The following KCND2 variants were observed in gnomAD, a reference collection of about 807,000 sequenced individuals.
KCND2 encodes the protein potassium voltage-gated channel subfamily D member 2.
KCND2 carries 16 observed loss-of-function variants against 54.4 expected under a neutral mutation model. The observed-to-expected ratio is 0.29, with a 90% CI of 0.20 to 0.45. The LOEUF (loss-of-function observed/expected upper bound fraction) is 0.45. Ranked by LOEUF, KCND2 falls within the 20% of genes least tolerant of loss-of-function variation. The pLI is 1.00. For synonymous variants in KCND2, 317 were observed against 310.7 expected, an observed-to-expected ratio of 1.02 and a Z score of -0.21; for missense variants, 486 against 824.2, an observed-to-expected ratio of 0.59 and a Z score of 5.02.
At chr7:120,702,215 A>G (rs1792411412) in intron 1 of KCND2, among the ~76,000 whole-genome samples, 1 of 152,218 alleles carries the variant, frequency 6.6e-6, no homozygotes, top group Non-Finnish European at 1.5e-5. Flanking sequence ...ATCATTGGAG[A>G]AATGCAAATC....
chr7:120,513,880 A>G (rs1460589264), intron 1 of KCND2, among the ~76,000 whole-genome samples: 1 of 152,106 alleles, frequency 6.6e-6, no homozygotes, highest in Non-Finnish European at 1.5e-5. Context: ...ATAGTTCAGG[A>G]ATTGTTTTGA....
At chr7:120,479,645 A>G (rs1254120194) in intron 1 of KCND2, among the ~76,000 whole-genome samples, 5 of 151,538 alleles carry the variant, frequency 3.3e-5, no homozygotes, top group East Asian at 1.9e-4. Flanking sequence ...GAAACTTGGT[A>G]TGGTTTGGTA....
chr7:120,473,655 C>T (rs1379180767), intron 1 of KCND2, among the ~76,000 whole-genome samples: 2 of 152,100 alleles, frequency 1.3e-5, no homozygotes, highest in African/African-American at 2.4e-5. Flanking sequence ...AGGCCTCCGT[C>T]TGGTGTACTC....
intron 1 of KCND2, among the ~76,000 whole-genome samples, chr7:120,563,456 A>T (rs1326395288): frequency 2.6e-5 from 4 of 152,128 alleles, no homozygotes; most frequent in African/African-American, 4.8e-5. Context: ...TCTAGATTTG[A>T]GTTATCATTT....
In KCND2 at chr7:120,311,726, C is replaced by G. The variant is rs778084320; in HGVS notation, c.1115+35979C>G. 8.3e-4 allele frequency among the ~76,000 whole-genome samples: 127 copies of G among 152,148 alleles called. 1 individual carries two copies. The highest frequency in any genetic ancestry group is 2.1e-4 in the Non-Finnish European group (14 of 68,020). ...TTTTCTGATCTTCCTCCCCCACCCT[C>G]TACCCTCCAAAAGGCCCCAGTGTGT... On this transcript the variant is annotated intron_variant, in intron 1 of 5. Transcript: ENST00000331113.
intron 1 of KCND2, among the ~76,000 whole-genome samples, chr7:120,348,654 G>A (rs1375477674): frequency 6.6e-6 from 1 of 152,126 alleles, no homozygotes; most frequent in Non-Finnish European, 1.5e-5. Flanking sequence ...ACTTCTTTGT[G>A]AGCAAACACA....
chr7:120,365,589 C>G (rs570023757), intron 1 of KCND2, among the ~76,000 whole-genome samples: 1 of 152,018 alleles, frequency 6.6e-6, no homozygotes, highest in Non-Finnish European at 1.5e-5. Context: ...CCTGCGTGCC[C>G]CTGATTAAGG....
chr7:120,657,010 T>G (rs906035312), intron 1 of KCND2, among the ~76,000 whole-genome samples: 1 of 152,122 alleles, frequency 6.6e-6, no homozygotes, highest in African/African-American at 2.4e-5. Context: ...AGAAAACTTT[T>G]TTGGCAAAAA....
chr7:120,384,885 A>G (rs1800965464), intron 1 of KCND2, among the ~76,000 whole-genome samples: 1 of 152,146 alleles, frequency 6.6e-6, no homozygotes, highest in Non-Finnish European at 1.5e-5. Context: ...CTTATGGAAA[A>G]AAGATTGAGT....
At chr7:120,607,932 G>A (rs1458316904) in intron 1 of KCND2, among the ~76,000 whole-genome samples, 3 of 151,950 alleles carry the variant, frequency 2.0e-5, no homozygotes, top group Non-Finnish European at 4.4e-5. Context: ...GTAGCTTAGG[G>A]TATCTAAGAG....
At chr7:120,452,940 C>T (rs1304626081) in intron 1 of KCND2, among the ~76,000 whole-genome samples, 1 of 152,148 alleles carries the variant, frequency 6.6e-6, no homozygotes, top group Non-Finnish European at 1.5e-5. Flanking sequence ...GGGGCCCCAA[C>T]CTGGCCATTC....
At chr7:120,509,856 A>G (rs1803085157) in intron 1 of KCND2, among the ~76,000 whole-genome samples, 1 of 152,066 alleles carries the variant, frequency 6.6e-6, no homozygotes, top group Non-Finnish European at 1.5e-5. Context: ...CCTAGGAATC[A>G]ATGTTTTGAT....
intron 1 of KCND2, among the ~76,000 whole-genome samples, chr7:120,476,270 GGCTGGTTATGAGGCT>G (rs1037887313): frequency 2.6e-5 from 4 of 152,078 alleles, no homozygotes; most frequent in African/African-American, 9.7e-5. Context: ...CTATTTGATG[GGCTGGTTATGAGGCT>G]TAAAACACAT....
chr7:120,655,385 CT>C (rs1393027629), intron 1 of KCND2, among the ~76,000 whole-genome samples: 2 of 152,104 alleles, frequency 1.3e-5, no homozygotes, highest in African/African-American at 4.8e-5. Flanking sequence ...CACACCATTA[CT>C]TATTCAGGGT....
intron 1 of KCND2, among the ~76,000 whole-genome samples, chr7:120,548,374 G>A (rs530938607): frequency 9.9e-5 from 15 of 152,104 alleles, no homozygotes; most frequent in Non-Finnish European, 1.5e-4. Flanking sequence ...TTCCTTCATC[G>A]GCTACTAGGG....
intron 1 of KCND2, among the ~76,000 whole-genome samples, chr7:120,630,283 G>A (rs1182681168): frequency 2.6e-5 from 4 of 152,234 alleles, no homozygotes; most frequent in Non-Finnish European, 4.4e-5. Context: ...ATTGACCGAG[G>A]CACTATAGTA....
intron 1 of KCND2, among the ~76,000 whole-genome samples, chr7:120,368,278 G>T (rs1019480885): frequency 6.6e-6 from 1 of 151,950 alleles, no homozygotes; most frequent in South Asian, 2.1e-4. Flanking sequence ...ACTGCTAATT[G>T]CTAGTTGAGG....
At chr7:120,516,083 G>A (rs920567134) in intron 1 of KCND2, among the ~76,000 whole-genome samples, 8 of 151,870 alleles carry the variant, frequency 5.3e-5, no homozygotes, top group African/African-American at 1.9e-4. Flanking sequence ...TATCTTGGTA[G>A]GATTCATATT....
chr7:120,624,955 A>T (rs1793147506), intron 1 of KCND2, among the ~76,000 whole-genome samples: 2 of 152,218 alleles, frequency 1.3e-5, no homozygotes, highest in South Asian at 4.1e-4. Flanking sequence ...AATTGACATA[A>T]ATTTTGATTA....
Sources: allele counts gnomAD v4.1 joint callset (sites outside exome capture counted in the v4.1 genomes callset), GRCh38; gene constraint gnomAD v4.1.1; transcripts MANE v1.5; gene names NCBI Gene and HGNC (gene_info 2026-07-23, HGNC 2026-07-21).